BIRC6: variants seen among roughly 807,000 people sequenced by gnomAD.
The protein encoded by BIRC6 is baculoviral IAP repeat containing 6.
In BIRC6, 98 loss-of-function variants were observed where a neutral mutation model predicts 503.3. That is an observed-to-expected ratio of 0.19 (90% confidence interval 0.17 to 0.23). BIRC6 has a LOEUF of 0.23. Ranked by LOEUF, BIRC6 falls within the 10% of genes least tolerant of loss-of-function variation. The pLI is 1.00. For missense variants in BIRC6, 5,360 were observed against 5,806.0 expected (o/e 0.92, Z 2.50); for synonymous variants, 2,240 against 2,078.7 (o/e 1.08, Z -2.11).
intron 28 of BIRC6, 113 bp from the exon 29 acceptor site, chr2:32,468,324 T>C: frequency 9.5e-7 from 1 of 1,050,620 alleles, no homozygotes; most frequent in African/African-American, 1.6e-5. Flanking sequence ...AGTGGGTAAT[T>C]CTTTTTAATG....
intron 29 of BIRC6, 26 bp from the exon 30 acceptor site, chr2:32,469,368 AG>A: frequency 6.4e-7 from 1 of 1,552,318 alleles, no homozygotes. Context: ...TAAATAGGAA[AG>A]TTTACTGTTT....
intron 69 of BIRC6, among the ~76,000 whole-genome samples, 162 bp downstream of exon 69, chr2:32,598,130 C>CT (rs1185919155): frequency 6.7e-6 from 1 of 149,090 alleles, no homozygotes; most frequent in African/African-American, 2.5e-5. Flanking sequence ...CTCCCCACCC[C>CT]TCCCCCCCTT....
Position 32,490,063 on chromosome 2 carries a change from A to G in BIRC6, c.8118A>G (p.Thr2706=). ...TAGCATCAATAACTAGCTTTCTCAC[A>G]GTGTTAGCTTGGTATCCCAATACTT... ...LNQASITSFL[T]VLAWYPNTLL... is the part of the protein sequence containing the mutation. The change falls in exon 43 of 74, where the codon ACA becomes ACG. Residue 2706 remains threonine (T), a synonymous_variant. Coordinates refer to ENST00000421745, the MANE Select transcript of BIRC6 (RefSeq NM_016252.4). The G allele has an allele frequency of 1.2e-6, 2 of 1,611,836 alleles. No individual in the cohort carries two copies. Among genetic ancestry groups the G allele is most frequent in the Non-Finnish European group, 1.7e-6 (2 of 1,178,080 alleles).
rs1346806581 is a variant in BIRC6, at chr2:32,467,704, G to A, written c.5536G>A (p.Asp1846Asn). The A allele has an allele frequency of 6.2e-7, 1 of 1,613,570 alleles. No homozygotes were observed. Among genetic ancestry groups the A allele is most frequent in the African/African-American group, 1.3e-5 (1 of 74,882 alleles). ...DISTHSLILH[D>N]LIPPPVCRFM... is the part of the protein sequence containing the mutation. ...AAGCACTCATTCACTAATTCTTCAT[G>A]ACTTAATACCACCTCCCGTGTGCAG... The change falls in exon 27 of 74, where the codon GAC becomes AAC. Residue 1846 changes from aspartate (D) to asparagine (N), a missense_variant. This residue lies in a region of BIRC6 where 2,299 missense variants were observed against 2,267.2 expected (regional missense o/e 1.01). Coordinates refer to ENST00000421745, the MANE Select transcript of BIRC6 (RefSeq NM_016252.4).
rs749892925 is a variant in BIRC6 at position 32,529,729 on chromosome 2, G to A, written c.11999G>A (p.Arg4000His). Residue 4000 changes from arginine to histidine, a missense_variant, in exon 60 of 74, where the codon CGC becomes CAC. Physicochemically the swap from Arg to His is conservative, Grantham distance 29. Transcript: ENST00000421745. Reference sequence around the variant, plus strand: ...GACCGAAAACTTCCTCAGGGTTACCGCTCAATAGATCTGACTGTTAAATTG... The same window carrying A: ...GACCGAAAACTTCCTCAGGGTTACCACTCAATAGATCTGACTGTTAAATTG... ...LYDRKLPQGY[R>H]SIDLTVKLGS... 3.0e-5 allele frequency: 49 copies of A among 1,613,284 alleles called. No homozygotes were observed. In the South Asian group the frequency reaches 3.4e-4, roughly 11 times the overall value.
At chr2:32,576,500 T>G (rs1421453697) in intron 66 of BIRC6, among the ~76,000 whole-genome samples, 1 of 152,246 alleles carries the variant, frequency 6.6e-6, no homozygotes, top group East Asian at 1.9e-4. Flanking sequence ...TTTATACTGT[T>G]AATGGAAGTT....
intron 12 of BIRC6, among the ~76,000 whole-genome samples, chr2:32,432,409 T>C (rs1249188935): frequency 1.3e-5 from 2 of 151,732 alleles, no homozygotes; most frequent in Non-Finnish European, 2.9e-5. Flanking sequence ...AGAGTGAGAC[T>C]CCATCTCAAG....
chr2:32,450,474 CATG>C (rs1302876527), intron 22 of BIRC6, among the ~76,000 whole-genome samples: 2 of 152,140 alleles, frequency 1.3e-5, no homozygotes, highest in South Asian at 2.1e-4. Context: ...AAAAAAAAAT[CATG>C]ATATGTCTCC....
intron 45 of BIRC6, among the ~76,000 whole-genome samples, chr2:32,495,263 T>C (rs2052303947): frequency 6.6e-6 from 1 of 152,192 alleles, no homozygotes; most frequent in East Asian, 1.9e-4. Flanking sequence ...GCAGAGATAT[T>C]TTGAGGTTTA....
chr2:32,528,453 G>A (rs2149962583), intron 59 of BIRC6: 1 of 152,292 alleles, frequency 6.6e-6, no homozygotes, highest in South Asian at 2.1e-4. Flanking sequence ...TGATCTTCTG[G>A]CCTTAGGTGA....
intron 10 of BIRC6, among the ~76,000 whole-genome samples, chr2:32,424,341 C>T (rs1300669900): frequency 6.6e-6 from 1 of 152,044 alleles, no homozygotes; most frequent in African/African-American, 2.4e-5. Flanking sequence ...GGAACTGTGA[C>T]TACTGTAAGG....
At chr2:32,430,789 T>G in intron 11 of BIRC6, 76 bp from the exon 12 acceptor site, 1 of 1,162,958 alleles carries the variant, frequency 8.6e-7, no homozygotes, top group East Asian at 2.5e-5. Context: ...GAATTAAAAC[T>G]TCACTTCATT....
intron 66 of BIRC6, among the ~76,000 whole-genome samples, chr2:32,592,151 A>G (rs1236192648): frequency 6.6e-6 from 1 of 152,234 alleles, no homozygotes; most frequent in Admixed American, 6.5e-5. Context: ...ATATATTCAG[A>G]TACATGTACA....
chr2:32,526,724 C>T, intron 59 of BIRC6: 1 of 158,346 alleles, frequency 6.3e-6, no homozygotes, highest in South Asian at 1.7e-4. Flanking sequence ...GCAGTGAACA[C>T]GTGCCTCTTA....
In BIRC6 at chr2:32,499,679, G is replaced by A. The variant is rs1335787858; in HGVS notation, c.8601G>A (p.Val2867=). The A allele has an allele frequency of 2.5e-6, 4 of 1,613,830 alleles. No homozygotes were observed. Among genetic ancestry groups the A allele is most frequent in the Non-Finnish European group, 3.4e-6 (4 of 1,179,810 alleles). The change falls in exon 46 of 74, where the codon GTG becomes GTA. Residue 2867 remains valine, a synonymous_variant. Transcript: ENST00000421745. ...TGATAGAATCGGTTACATTTTTAGT[G>A]CACCACTATATCACTTGCTCAGACA... ...SAVIESVTFL[V]HHYITCSDKV... is the part of the protein sequence containing the mutation.
intron 23 of BIRC6, among the ~76,000 whole-genome samples, chr2:32,455,557 G>T (rs1393892234): frequency 6.6e-6 from 1 of 152,124 alleles, no homozygotes; most frequent in Non-Finnish European, 1.5e-5. Context: ...AACCTGGGAG[G>T]TGGAGGTTGC....
rs775947750 is a variant in BIRC6, at chr2:32,617,922, T to C, written c.*18T>C. Reference sequence around the variant, plus strand: ...AGTTATGAGCTGCATTGATGTGGACTTCATAGACACAAAGGCTTCGAAGCA... The same window carrying C: ...AGTTATGAGCTGCATTGATGTGGACCTCATAGACACAAAGGCTTCGAAGCA... On this transcript the variant is annotated 3_prime_UTR_variant, in exon 74 of 74. Transcript: ENST00000421745. 5 of 1,593,858 alleles carry C rather than the reference T, an allele frequency of 3.1e-6. No individual in the cohort carries two copies. Among genetic ancestry groups the C allele is most frequent in the South Asian group, 2.2e-5 (2 of 89,530 alleles).
chr2:32,365,577 C>T (rs2034794208), intron 1 of BIRC6, among the ~76,000 whole-genome samples: 1 of 152,116 alleles, frequency 6.6e-6, no homozygotes, highest in South Asian at 2.1e-4. Flanking sequence ...CCTCGGCCTC[C>T]CAAAGTGCTG....
intron 1 of BIRC6, among the ~76,000 whole-genome samples, chr2:32,368,882 C>A (rs1477770120): frequency 3.9e-5 from 6 of 152,132 alleles, no homozygotes; most frequent in Admixed American, 1.3e-4. Flanking sequence ...GAACACCTGA[C>A]CTCAAGTGAC....
Sources: allele counts gnomAD v4.1 joint callset (sites outside exome capture counted in the v4.1 genomes callset), GRCh38; gene constraint gnomAD v4.1.1; regional missense constraint gnomAD v4.1.1; transcripts MANE v1.5; gene names NCBI Gene and HGNC (gene_info 2026-07-23, HGNC 2026-07-21).